IKZF1: variants seen among roughly 807,000 people sequenced by gnomAD.
IKZF1 encodes the protein DNA-binding protein Ikaros.
A neutral mutation model predicts 51.7 loss-of-function variants in IKZF1; 10 were observed. That is an observed-to-expected ratio of 0.19 (90% CI 0.12 to 0.33). IKZF1 has a LOEUF of 0.33. Ranked by LOEUF, IKZF1 falls within the 10% of genes least tolerant of loss-of-function variation. IKZF1 has a pLI of 1.00. For missense variants in IKZF1, 484 were observed against 707.5 expected, an observed-to-expected ratio of 0.68 and a Z score of 3.58; for synonymous variants, 280 against 282.3, an observed-to-expected ratio of 0.99 and a Z score of 0.08.
At chr7:50,360,318 G>A (rs1019679945) in intron 3 of IKZF1, among the ~76,000 whole-genome samples, 2 of 152,064 alleles carry the variant, frequency 1.3e-5, no homozygotes, top group African/African-American at 4.8e-5. Context: ...GCCTGAGGAG[G>A]AGCTGAGCAC....
intron 2 of IKZF1, among the ~76,000 whole-genome samples, chr7:50,326,095 A>G (rs992573904): frequency 4.6e-5 from 7 of 152,202 alleles, no homozygotes; most frequent in African/African-American, 1.7e-4. Context: ...TGCAGGTTCT[A>G]TTTTAAATAT....
chr7:50,325,492 A>G (rs1393341555), intron 2 of IKZF1, among the ~76,000 whole-genome samples: 1 of 152,192 alleles, frequency 6.6e-6, no homozygotes, highest in Non-Finnish European at 1.5e-5. Context: ...TTCTATTTAT[A>G]GGCCGGGCGC....
intron 3 of IKZF1, among the ~76,000 whole-genome samples, chr7:50,351,861 C>T (rs1329304300): frequency 6.6e-6 from 1 of 151,732 alleles, no homozygotes; most frequent in Admixed American, 6.6e-5. Context: ...ACTAACAATT[C>T]CCCCCCGCCC....
At chr7:50,356,088 G>A (rs1043465439) in intron 3 of IKZF1, among the ~76,000 whole-genome samples, 5 of 152,212 alleles carry the variant, frequency 3.3e-5, no homozygotes, top group African/African-American at 9.6e-5. Context: ...TGTTTTCCTC[G>A]CTTAAAAAAT....
Position 50,387,334 on chromosome 7 carries a change from G to C in IKZF1, c.590-11G>C. The stretch of plus-strand genomic sequence containing the variant: ...TAATTGGGGTCTTGAACTCAATTGT[G>C]TTTTCTGCAGTTGGTAAACCTCACA... On this transcript the variant is annotated splice_polypyrimidine_tract_variant and intron_variant, in intron 5 of 7. Transcript: ENST00000331340. 6.2e-7 allele frequency: 1 copy of C among 1,612,282 alleles called. No individual in the cohort carries two copies. Among genetic ancestry groups the C allele is most frequent in the Non-Finnish European group, 8.5e-7 (1 of 1,179,006 alleles).
At chr7:50,304,978 A>T (rs57397289) in intron 1 of IKZF1, 56 bp downstream of exon 1, 34 of 133,984 alleles carry the variant, frequency 2.5e-4, no homozygotes, top group Middle Eastern at 3.8e-3. Flanking sequence ...TGGTGAATTT[A>T]AAAAAAAAAA....
intron 5 of IKZF1, 125 bp downstream of exon 5, chr7:50,382,832 A>G: frequency 8.2e-7 from 1 of 1,216,340 alleles, no homozygotes. Context: ...GCAGTCCTGC[A>G]TCGGGTGTGA....
intron 7 of IKZF1, among the ~76,000 whole-genome samples, chr7:50,396,884 C>G (rs1816845866): frequency 6.6e-6 from 1 of 152,222 alleles, no homozygotes; most frequent in Admixed American, 6.5e-5. Context: ...TTCATCCCCA[C>G]AGGAGATTCT....
At position 50,319,053 on chromosome 7, in the gene IKZF1, C is replaced by G. The variant is rs1792373825; in HGVS notation, c.-9C>G. On this transcript the variant is annotated 5_prime_UTR_variant, in exon 2 of 8. Transcript: ENST00000331340. The stretch of plus-strand genomic sequence containing the variant: ...TCCCTTCCTCTCTTTCTCAGATAAC[C>G]TGAGGACCATGGATGCTGATGAGGG... 3 of 1,610,998 alleles carry G rather than the reference C, an allele frequency of 1.9e-6. No individual in the cohort carries two copies. The East Asian group carries it at 6.7e-5, about 36-fold the overall frequency.
At chr7:50,385,281 T>G (rs901791151) in intron 5 of IKZF1, among the ~76,000 whole-genome samples, 1 of 152,110 alleles carries the variant, frequency 6.6e-6, no homozygotes, top group Non-Finnish European at 1.5e-5. Context: ...ATAAGGACTT[T>G]GGCCTTGCTC....
intron 3 of IKZF1, among the ~76,000 whole-genome samples, chr7:50,339,075 A>G (rs1387837926): frequency 6.6e-6 from 1 of 152,156 alleles, no homozygotes; most frequent in African/African-American, 2.4e-5. Flanking sequence ...CACCACAGAA[A>G]TCGGTGAACG....
chr7:50,386,543 C>G (rs1329247080), intron 5 of IKZF1, among the ~76,000 whole-genome samples: 1 of 152,060 alleles, frequency 6.6e-6, no homozygotes, highest in East Asian at 1.9e-4. Context: ...CAGAGCTTTT[C>G]CATAAGCTCA....
At chr7:50,366,788 CAG>C (rs944119104) in intron 3 of IKZF1, among the ~76,000 whole-genome samples, 3 of 152,088 alleles carry the variant, frequency 2.0e-5, no homozygotes, top group African/African-American at 7.2e-5. Context: ...TAAGGGCAAA[CAG>C]ATTATATAAA....
At chr7:50,369,700 C>A in intron 3 of IKZF1, 1 of 396,892 alleles carries the variant, frequency 2.5e-6, no homozygotes, top group Non-Finnish European at 4.4e-6. Flanking sequence ...ACCCCTTTCA[C>A]CCCCTCTACT....
chr7:50,389,128 G>A (rs1175495888), intron 6 of IKZF1, among the ~76,000 whole-genome samples: 4 of 152,224 alleles, frequency 2.6e-5, no homozygotes, highest in Admixed American at 2.0e-4. Context: ...ACTGAGACCT[G>A]GGTTTGAGTT....
chr7:50,305,379 C>T (rs1788546483), intron 1 of IKZF1, among the ~76,000 whole-genome samples: 1 of 152,196 alleles, frequency 6.6e-6, no homozygotes, highest in Admixed American at 6.5e-5. Flanking sequence ...CTTTTGCTGA[C>T]CGCAGGTTTG....
At chr7:50,393,613 G>C (rs1815843089) in intron 7 of IKZF1, among the ~76,000 whole-genome samples, 1 of 152,352 alleles carries the variant, frequency 6.6e-6, no homozygotes, top group African/African-American at 2.4e-5. Flanking sequence ...GGCTGAGCCA[G>C]TGGGGAGTTG....
chr7:50,304,378 C>A (rs1490693335), upstream of IKZF1: 3 of 148,152 alleles, frequency 2.0e-5, no homozygotes, highest in Admixed American at 2.0e-4. Flanking sequence ...GGGGCCGAGC[C>A]GGCTGCGGGG....
chr7:50,313,292 T>C (rs1041434942), intron 1 of IKZF1, among the ~76,000 whole-genome samples: 2 of 152,192 alleles, frequency 1.3e-5, no homozygotes, highest in Non-Finnish European at 2.9e-5. Context: ...TTGGTCCCTG[T>C]CTCCCCCATG....
Sources: gnomAD v4.1 joint callset for allele counts (sites outside exome capture counted in the v4.1 genomes callset) on GRCh38, gnomAD v4.1.1 for gene constraint, MANE v1.5 for transcripts, NCBI Gene and HGNC (gene_info 2026-07-23, HGNC 2026-07-21) for gene names.